The following CSMD1 variants were observed in gnomAD, a reference collection of about 807,000 sequenced individuals.
The protein encoded by CSMD1 is CUB and Sushi multiple domains 1.
A neutral mutation model predicts 417.5 loss-of-function variants in CSMD1; 213 were observed. That is an observed-to-expected ratio of 0.51 (90% CI 0.46 to 0.57). The LOEUF is 0.57. Among genes scored for constraint, CSMD1 ranks in the 20% least tolerant of loss-of-function variants. The probability of loss-of-function intolerance (pLI) is 0.00; values close to 1 mark genes in which losing one functional copy is unlikely to be tolerated. For synonymous variants in CSMD1, 2,862 were observed against 1,736.8 expected (o/e 1.65, Z -16.11); for missense variants, 6,923 against 4,529.7 (o/e 1.53, Z -15.17).
intron 12 of CSMD1, among the ~76,000 whole-genome samples, chr8:3,414,075 G>C (rs1006375686): frequency 6.7e-6 from 1 of 150,112 alleles, no homozygotes; most frequent in Admixed American, 6.7e-5. Flanking sequence ...GGAGGTGGAC[G>C]TTGCAGTGAG....
At chr8:3,572,352 C>A (rs552409326) in intron 10 of CSMD1, among the ~76,000 whole-genome samples, 1 of 152,088 alleles carries the variant, frequency 6.6e-6, no homozygotes, top group African/African-American at 2.4e-5. Flanking sequence ...CACTGTGAAG[C>A]GGGCTAAGAG....
intron 51 of CSMD1, among the ~76,000 whole-genome samples, 199 bp downstream of exon 51, chr8:3,029,120 T>C (rs1258850840): frequency 6.6e-6 from 1 of 152,008 alleles, no homozygotes; most frequent in East Asian, 1.9e-4. Context: ...ATCAAATGCC[T>C]AATCGAGCAG....
chr8:4,476,594 T>G (rs919060593), intron 2 of CSMD1, among the ~76,000 whole-genome samples: 2 of 152,132 alleles, frequency 1.3e-5, no homozygotes, highest in African/African-American at 4.8e-5. Context: ...CCACAACACT[T>G]TTAGTAAAAC....
chr8:4,446,747 GTGTGTGT>G (rs1563183232), intron 2 of CSMD1, among the ~76,000 whole-genome samples: 22 of 98,810 alleles, frequency 2.2e-4, no homozygotes, highest in East Asian at 1.6e-3. Flanking sequence ...GTGTGTGTGT[GTGTGTGT>G]CTGTGTGTGT....
chr8:3,362,309 A>C (rs1008048534), intron 20 of CSMD1, among the ~76,000 whole-genome samples: 2 of 152,142 alleles, frequency 1.3e-5, no homozygotes, highest in African/African-American at 2.4e-5. Context: ...TCTTCCTCTC[A>C]TCTATTCAGG....
At chr8:4,975,364 C>T (rs1810489353) in intron 1 of CSMD1, among the ~76,000 whole-genome samples, 2 of 152,208 alleles carry the variant, frequency 1.3e-5, no homozygotes, top group South Asian at 4.1e-4. Context: ...AATAATTGCA[C>T]ACATAGCAAG....
At chr8:3,497,231 T>G (rs1196827260) in intron 10 of CSMD1, among the ~76,000 whole-genome samples, 1 of 152,190 alleles carries the variant, frequency 6.6e-6, no homozygotes, top group Non-Finnish European at 1.5e-5. Flanking sequence ...TGTTCCATGC[T>G]GAGAGTAGCA....
rs1348788239 is a variant in CSMD1 at position 3,687,421 on chromosome 8, C to T, written c.1009+20993G>A. Among the ~76,000 whole-genome samples, 5 of 152,222 alleles carry T rather than the reference C, an allele frequency of 3.3e-5. No homozygotes were observed. In the East Asian group the frequency reaches 5.8e-4, roughly 18 times the overall value. On this transcript the variant is annotated intron_variant, in intron 7 of 69. Coordinates refer to ENST00000635120, the MANE Select transcript of CSMD1 (RefSeq NM_033225.6). ...GCATTTCTAATTTTAGGCTGGAAAA[C>T]TTGCCTCTCAAATAAATTATGGAAG...
At chr8:4,270,131 T>C (rs577643785) in intron 3 of CSMD1, among the ~76,000 whole-genome samples, 20 of 152,282 alleles carry the variant, frequency 1.3e-4, no homozygotes, top group South Asian at 6.2e-4. Flanking sequence ...TTGGTTGTGA[T>C]AGGGAGGCTG....
chr8:4,914,154 T>C (rs1206435330), intron 1 of CSMD1, among the ~76,000 whole-genome samples: 2 of 152,142 alleles, frequency 1.3e-5, no homozygotes. Context: ...AAAGTGCATA[T>C]AAAGTTAAAG....
intron 3 of CSMD1, among the ~76,000 whole-genome samples, chr8:4,306,332 C>G (rs1798243263): frequency 1.3e-5 from 2 of 152,198 alleles, no homozygotes; most frequent in South Asian, 4.1e-4. Flanking sequence ...TCCATCATCA[C>G]CATTTTTACT....
At chr8:4,348,404 C>A (rs937026297) in intron 3 of CSMD1, among the ~76,000 whole-genome samples, 1 of 151,996 alleles carries the variant, frequency 6.6e-6, no homozygotes, top group East Asian at 1.9e-4. Context: ...GGTCACAGAA[C>A]TGTAAGTGAT....
intron 31 of CSMD1, among the ~76,000 whole-genome samples, chr8:3,205,252 C>T (rs1397445397): frequency 6.6e-6 from 1 of 152,094 alleles, no homozygotes; most frequent in Non-Finnish European, 1.5e-5. Flanking sequence ...AAGAAGAAAG[C>T]CAAATTAATT....
chr8:4,970,899 C>T (rs370613400), intron 1 of CSMD1, among the ~76,000 whole-genome samples: 232 of 152,132 alleles, frequency 1.5e-3, no homozygotes, highest in African/African-American at 5.4e-3. Flanking sequence ...TAACGAAGTG[C>T]TTTTTATGTA....
intron 10 of CSMD1, among the ~76,000 whole-genome samples, chr8:3,551,792 T>A (rs182236170): frequency 2.2e-4 from 33 of 152,252 alleles, no homozygotes; most frequent in Admixed American, 1.4e-3. Flanking sequence ...TGTAATGTGA[T>A]CATGCTGAGT....
chr8:3,745,305 C>G (rs571837574), intron 6 of CSMD1, among the ~76,000 whole-genome samples: 168 of 152,272 alleles, frequency 1.1e-3, no homozygotes, highest in African/African-American at 3.9e-3. Flanking sequence ...ACATGATGGT[C>G]AGCTCTGCAA....
chr8:3,628,154 A>AC, intron 7 of CSMD1, among the ~76,000 whole-genome samples: 1 of 152,214 alleles, frequency 6.6e-6, no homozygotes, highest in East Asian at 1.9e-4. Flanking sequence ...TGACGTGTAA[A>AC]CCCCCCTTTG....
At position 3,526,776 on chromosome 8, in the gene CSMD1, C is replaced by T. The variant is rs564974162; in HGVS notation, c.1345-33050G>A. On this transcript the variant is annotated intron_variant, in intron 10 of 69. Coordinates refer to ENST00000635120, the MANE Select transcript of CSMD1 (RefSeq NM_033225.6). ...TCAGTTTCCCTTCCTGTAAAACACA[C>T]TTCCTAGTATTTGCAGCAGACGACG... 3.3e-5 allele frequency among the ~76,000 whole-genome samples: 5 copies of T among 152,354 alleles called. No individual in the cohort carries two copies. The South Asian group carries it at 1.0e-3, about 32-fold the overall frequency.
intron 4 of CSMD1, among the ~76,000 whole-genome samples, chr8:4,006,486 G>T (rs1563310536): frequency 6.6e-6 from 1 of 152,176 alleles, no homozygotes. Flanking sequence ...AGAGGTTGCA[G>T]TGAGCCAAGA....
Sources: allele counts gnomAD v4.1 joint callset (sites outside exome capture counted in the v4.1 genomes callset), GRCh38; gene constraint gnomAD v4.1.1; transcripts MANE v1.5; gene names NCBI Gene and HGNC (gene_info 2026-07-23, HGNC 2026-07-21).